SLC9A7: variants seen among roughly 807,000 people sequenced by gnomAD.
The protein encoded by SLC9A7 is solute carrier family 9 member A7.
Under a neutral mutation model 52.6 loss-of-function variants are expected in SLC9A7, and 19 were observed. That is an observed-to-expected ratio of 0.36 (90% CI 0.25 to 0.53). The LOEUF is 0.53. Among genes scored for constraint, SLC9A7 ranks in the 20% least tolerant of loss-of-function variants. SLC9A7 has a pLI of 0.91. For synonymous variants in SLC9A7, 226 were observed against 252.1 expected, an observed-to-expected ratio of 0.90 and a Z score of 0.98; for missense variants, 455 against 597.9, an observed-to-expected ratio of 0.76 and a Z score of 2.49.
chrX:46,677,390 A>C (rs1040161926), intron 3 of SLC9A7, among the ~76,000 whole-genome samples: 1 of 111,956 alleles, frequency 8.9e-6, no homozygotes, highest in Non-Finnish European at 1.9e-5. Context: ...CCCATTACTA[A>C]AGGCTAAGTG....
intron 1 of SLC9A7, among the ~76,000 whole-genome samples, chrX:46,740,292 T>G (rs1448604998): frequency 9.0e-6 from 1 of 111,731 alleles, no homozygotes; most frequent in Admixed American, 9.5e-5. Context: ...GCTGAAAGCC[T>G]TTCCTCTAAG....
In SLC9A7 at chrX:46,606,783, C is replaced by A. The variant is rs1270092969; in HGVS notation, c.*169G>T. ...TGAATTTAGAGACACTTTTGCCTCA[C>A]CATCTGCATTGTGAGTTAAATTTTA... On this transcript the variant is annotated 3_prime_UTR_variant, in exon 17 of 17. Coordinates refer to ENST00000616978, the MANE Select transcript of SLC9A7 (RefSeq NM_001257291.2). 6 of 1,099,463 alleles carry A rather than the reference C, an allele frequency of 5.5e-6. No homozygotes were observed. In the African/African-American group the frequency reaches 1.1e-4, roughly 21 times the overall value. The allele number at this position is 1,099,463 out of a possible 1,213,427, so 90.6% of individuals were successfully genotyped here.
chrX:46,697,007 C>T (rs1334483189), intron 1 of SLC9A7, among the ~76,000 whole-genome samples: 1 of 111,812 alleles, frequency 8.9e-6, no homozygotes, highest in Non-Finnish European at 1.9e-5. Flanking sequence ...AACCGTCTTT[C>T]GCCTGGACTT....
intron 1 of SLC9A7, among the ~76,000 whole-genome samples, chrX:46,716,282 T>C (rs1944767406): frequency 8.9e-6 from 1 of 111,767 alleles, no homozygotes; most frequent in South Asian, 3.7e-4. Context: ...TCTGACTTGG[T>C]AAAGATATGC....
intron 16 of SLC9A7, among the ~76,000 whole-genome samples, chrX:46,609,311 A>G (rs1942805028): frequency 8.9e-6 from 1 of 112,136 alleles, no homozygotes; most frequent in African/African-American, 3.2e-5. Flanking sequence ...CACTGACAGG[A>G]GAAAACAAGA....
At chrX:46,682,177 TCTC>T (rs1460926632) in intron 2 of SLC9A7, among the ~76,000 whole-genome samples, 156 bp downstream of exon 2, 1 of 111,180 alleles carries the variant, frequency 9.0e-6, no homozygotes, top group African/African-American at 3.3e-5. Flanking sequence ...GGTTCTTCCT[TCTC>T]CTCATCATGG....
intron 3 of SLC9A7, among the ~76,000 whole-genome samples, chrX:46,678,775 A>G (rs1392678277): frequency 1.8e-5 from 2 of 111,794 alleles, no homozygotes; most frequent in Non-Finnish European, 3.8e-5. Flanking sequence ...ATAGATTCAC[A>G]TAAGTTGCAA....
chrX:46,746,409 A>G (rs988141031), intron 1 of SLC9A7, among the ~76,000 whole-genome samples: 2 of 111,520 alleles, frequency 1.8e-5, no homozygotes, highest in South Asian at 7.5e-4. Context: ...ACAAGAGATT[A>G]ATAACCAGAA....
In SLC9A7 at chrX:46,635,308, A is replaced by G. The variant is rs7060898; in HGVS notation, c.1676+281T>C. ...TGCTCTTAACACTAAGCTCAGTTGTACGAAAAGGAGACACTTGACAACTCA... is the reference window on the plus strand; with the variant it reads ...TGCTCTTAACACTAAGCTCAGTTGTGCGAAAAGGAGACACTTGACAACTCA... On this transcript the variant is annotated intron_variant, in intron 13 of 16. Coordinates refer to ENST00000616978, the MANE Select transcript of SLC9A7 (RefSeq NM_001257291.2). Among the ~76,000 whole-genome samples, 279 of 111,526 alleles carry G rather than the reference A, an allele frequency of 2.5e-3. 2 individuals carry two copies. Among genetic ancestry groups the G allele is most frequent in the African/African-American group, 8.8e-3 (270 of 30,707 alleles).
chrX:46,610,853 T>C (rs1352869682), intron 16 of SLC9A7, among the ~76,000 whole-genome samples: 2 of 112,618 alleles, frequency 1.8e-5, no homozygotes, highest in African/African-American at 6.5e-5. Context: ...AAGGGACTGG[T>C]TAGTAAGCTT....
In SLC9A7 at chrX:46,606,941, T is replaced by C. The variant is rs1569496942; in HGVS notation, c.*11A>G. On this transcript the variant is annotated 3_prime_UTR_variant, in exon 17 of 17. Transcript: ENST00000616978. Reference sequence around the variant, plus strand: ...GAGCCTACCCCATCGCGCCAGGGCTTGGGGGGAAAGTCAAGCATTATCTTC... The same window carrying C: ...GAGCCTACCCCATCGCGCCAGGGCTCGGGGGGAAAGTCAAGCATTATCTTC... 2.5e-6 allele frequency: 3 copies of C among 1,208,591 alleles called. No homozygotes were observed. The highest frequency in any genetic ancestry group is 3.5e-5 in the African/African-American group (2 of 56,843).
At chrX:46,666,634 T>C (rs759851042) in intron 5 of SLC9A7, among the ~76,000 whole-genome samples, 4 of 112,280 alleles carry the variant, frequency 3.6e-5, no homozygotes, top group African/African-American at 1.3e-4. Flanking sequence ...TGGAGTAGCA[T>C]GGTAATGCCT....
chrX:46,688,983 AT>A (rs555843104), intron 1 of SLC9A7, among the ~76,000 whole-genome samples: 4,324 of 108,421 alleles, frequency 0.04, 74 homozygotes, highest in Non-Finnish European at 0.049. Flanking sequence ...TTGTCTTAAA[AT>A]TTTTTTTTTG....
At chrX:46,643,111 A>G (rs974023557) in intron 12 of SLC9A7, 125 bp downstream of exon 12, 2 of 622,017 alleles carry the variant, frequency 3.2e-6, no homozygotes, top group African/African-American at 2.2e-5. Flanking sequence ...ATCCCCCCTC[A>G]CAAACAAAAC....
At chrX:46,739,664 C>T (rs1408844174) in intron 1 of SLC9A7, among the ~76,000 whole-genome samples, 2 of 111,729 alleles carry the variant, frequency 1.8e-5, no homozygotes, top group African/African-American at 6.5e-5. Flanking sequence ...TGCTTCAACA[C>T]ACTCTGTTTG....
At chrX:46,734,466 G>A (rs1945091306) in intron 1 of SLC9A7, among the ~76,000 whole-genome samples, 1 of 111,941 alleles carries the variant, frequency 8.9e-6, no homozygotes. Flanking sequence ...CCAAATCACT[G>A]AAGCAAAAAT....
chrX:46,755,007 C>T (rs1159180721), intron 1 of SLC9A7, among the ~76,000 whole-genome samples: 1 of 112,422 alleles, frequency 8.9e-6, no homozygotes, highest in Non-Finnish European at 1.9e-5. Context: ...TGCCTGGCCC[C>T]GCTGCCTTGC....
At chrX:46,687,880 T>C (rs1225839014) in intron 1 of SLC9A7, among the ~76,000 whole-genome samples, 1 of 111,993 alleles carries the variant, frequency 8.9e-6, no homozygotes, top group African/African-American at 3.2e-5. Flanking sequence ...TAATCTACCT[T>C]CTGTACTATA....
intron 14 of SLC9A7, among the ~76,000 whole-genome samples, chrX:46,626,860 T>C (rs1943139102): frequency 8.9e-6 from 1 of 112,402 alleles, no homozygotes; most frequent in South Asian, 3.6e-4. Flanking sequence ...CTATGCTTCC[T>C]GTACAGCTTG....
Sources: allele counts gnomAD v4.1 joint callset (sites outside exome capture counted in the v4.1 genomes callset), GRCh38; gene constraint gnomAD v4.1.1; transcripts MANE v1.5; gene names NCBI Gene and HGNC (gene_info 2026-07-23, HGNC 2026-07-21).